Variants in MTRR observed in about 807,000 individuals in gnomAD.
The protein encoded by MTRR is methionine synthase reductase.
MTRR carries 63 observed loss-of-function variants against 79.2 expected under a neutral mutation model. The ratio of observed to expected loss-of-function variants is 0.80; its 90% CI spans 0.65 to 0.98. MTRR has a LOEUF of 0.98. MTRR is among the 50% of genes least tolerant of loss of function. The pLI, the probability that MTRR is intolerant of heterozygous loss-of-function variation, is 0.00. For synonymous variants in MTRR, 355 were observed against 313.3 expected, an observed-to-expected ratio of 1.13 and a Z score of -1.41; for missense variants, 895 against 839.6, an observed-to-expected ratio of 1.07 and a Z score of -0.82.
rs1263050010 is a variant in MTRR, at chr5:7,900,146, A to G, written c.*88A>G. The G allele has an allele frequency of 2.0e-6, 3 of 1,490,978 alleles. No individual in the cohort carries two copies. The African/African-American group carries it at 4.3e-5, about 21-fold the overall frequency. 92.4% of individuals were successfully genotyped at this position (1,490,978 alleles called of 1,614,324 possible). On this transcript the variant is annotated 3_prime_UTR_variant, in exon 15 of 15. Transcript: ENST00000440940. The stretch of plus-strand genomic sequence containing the variant: ...CTAGTGCCAAACCTTTAAATTTTCA[A>G]AAGAAAATTTTCTTTCAACATTTCT...
rs773646971 is a variant in MTRR at position 7,885,740 on chromosome 5, G to C, written c.943G>C (p.Val315Leu). ...CTATCAGCCTGGAGATGCCTTCAGC[G>C]TGATCTGCCCTAACAGTGATTCTGA... Reference protein sequence around the residue: ...FSYQPGDAFSVICPNSDSEVQ... With the variant: ...FSYQPGDAFSLICPNSDSEVQ... The change falls in exon 7 of 15, where the codon GTG becomes CTG. Residue 315 changes from valine (V) to leucine (L), a missense_variant. Coordinates refer to ENST00000440940, the MANE Select transcript of MTRR (RefSeq NM_002454.3). The C allele has an allele frequency of 1.9e-6, 3 of 1,612,866 alleles. No homozygotes were observed. In the African/African-American group the frequency reaches 4.0e-5, roughly 22 times the overall value.
At chr5:7,896,771 C>T (rs751079041) in intron 12 of MTRR, 93 bp from the exon 13 acceptor site, 11 of 962,126 alleles carry the variant, frequency 1.1e-5, no homozygotes, top group Admixed American at 5.6e-5. Flanking sequence ...TTTACAAATC[C>T]GTCTGAGTTT....
rs1378120248 is a variant in MTRR, at chr5:7,873,400, CTTG to C, written c.165_167del (p.Val57del). ...TGACCTAAAAACCGAAACAGCTCCT[CTTG>C]TTGTTGTGGTTTCTACCACGGGCAC... On this transcript the variant is annotated inframe_deletion, in exon 3 of 15. Transcript: ENST00000440940. 102 of 1,614,080 alleles carry C rather than the reference CTTG, an allele frequency of 6.3e-5. No homozygotes were observed. Among genetic ancestry groups the C allele is most frequent in the Non-Finnish European group, 8.1e-5 (96 of 1,180,040 alleles).
intron 1 of MTRR, among the ~76,000 whole-genome samples, chr5:7,854,176 T>C (rs4702506): frequency 0.13 from 20,246 of 152,034 alleles, 1,572 homozygotes; most frequent in Middle Eastern, 0.29. Flanking sequence ...GTACTCGTAC[T>C]CAAAAGTTCT....
chr5:7,861,537 G>C, intron 1 of MTRR: 1 of 1,345,366 alleles, frequency 7.4e-7, no homozygotes, highest in Non-Finnish European at 9.9e-7. Context: ...CTGCTTATTA[G>C]CCTCAACGAG....
intron 10 of MTRR, among the ~76,000 whole-genome samples, chr5:7,892,181 A>G (rs1283024269): frequency 6.6e-6 from 1 of 152,204 alleles, no homozygotes; most frequent in Non-Finnish European, 1.5e-5. Context: ...AAGGTGCACC[A>G]TTCTTTTGGT....
In MTRR at chr5:7,900,105, C is replaced by T; in HGVS notation, c.*47C>T. 3 of 1,604,252 alleles carry T rather than the reference C, an allele frequency of 1.9e-6. No homozygotes were observed. The highest frequency in any genetic ancestry group is 2.6e-6 in the Non-Finnish European group (3 of 1,176,180). The stretch of plus-strand genomic sequence containing the variant: ...GATTAAGCTTTTTTGACTGAAAGTA[C>T]TAAAAGTCAGCTTTACTAGTGCCAA... On this transcript the variant is annotated 3_prime_UTR_variant, in exon 15 of 15. Transcript: ENST00000440940.
At chr5:7,854,568 A>G (rs963585189) in intron 1 of MTRR, among the ~76,000 whole-genome samples, 7 of 152,096 alleles carry the variant, frequency 4.6e-5, no homozygotes, top group Non-Finnish European at 1.0e-4. Flanking sequence ...GGTGGCGGCA[A>G]GAGAAAATGA....
intron 1 of MTRR, among the ~76,000 whole-genome samples, chr5:7,856,275 A>G (rs1163985620): frequency 1.3e-5 from 2 of 152,204 alleles, no homozygotes; most frequent in Non-Finnish European, 2.9e-5. Flanking sequence ...GACAACAGTT[A>G]GATGTTCCAT....
At chr5:7,890,127 A>G (rs750163607) in intron 9 of MTRR, 1 of 350,228 alleles carries the variant, frequency 2.9e-6, no homozygotes, top group African/African-American at 2.2e-5. Flanking sequence ...TAACATTTGC[A>G]TTTTTCTTTG....
intron 10 of MTRR, among the ~76,000 whole-genome samples, chr5:7,892,108 A>T (rs1323492580): frequency 2.0e-5 from 3 of 152,120 alleles, no homozygotes; most frequent in African/African-American, 7.2e-5. Flanking sequence ...CCTTCATTCC[A>T]TTGCACAGCC....
upstream of MTRR, chr5:7,867,974 A>C: frequency 6.2e-7 from 1 of 1,614,196 alleles, no homozygotes; most frequent in Non-Finnish European, 8.5e-7. Flanking sequence ...ACGCTCCTTG[A>C]CTACCTTGTG....
Position 7,885,757 on chromosome 5 carries a change from T to C in MTRR, c.960T>C (p.Ser320=). The C allele has an allele frequency of 6.2e-7, 1 of 1,613,830 alleles. No homozygotes were observed. Among genetic ancestry groups the C allele is most frequent in the Non-Finnish European group, 8.5e-7 (1 of 1,179,972 alleles). ...CCTTCAGCGTGATCTGCCCTAACAG[T>C]GATTCTGAGGTACAAAGCCTACTCC... ...GDAFSVICPN[S]DSEVQSLLQR... Residue 320 remains serine (S), a synonymous_variant, in exon 7 of 15, where the codon AGT becomes AGC. Transcript: ENST00000440940.
Position 7,885,787 on chromosome 5 carries a change from A to T in MTRR, c.990A>T (p.Arg330Ser), listed in dbSNP as rs1216126515. 3 of 1,613,926 alleles carry T rather than the reference A, an allele frequency of 1.9e-6. No homozygotes were observed. Among genetic ancestry groups the T allele is most frequent in the Non-Finnish European group, 2.5e-6 (3 of 1,180,026 alleles). ...CTGAGGTACAAAGCCTACTCCAAAG[A>T]CTGCAGCTTGAAGATAAAAGAGAGC... ...SDSEVQSLLQ[R>S]LQLEDKREHC... Residue 330 changes from arginine (R) to serine (S), a missense_variant, in exon 7 of 15, where the codon AGA becomes AGT. Transcript: ENST00000440940.
At position 7,883,503 on chromosome 5, in the gene MTRR, GCTGAGTTGTGTGGTGCTTGGTTACA is replaced by G. The variant is rs1282256330; in HGVS notation, c.903+227_903+251del. Among the ~76,000 whole-genome samples, 748 of 138,422 alleles carry G rather than the reference GCTGAGTTGTGTGGTGCTTGGTTACA, an allele frequency of 5.4e-3. 1 individual carries two copies. Among genetic ancestry groups the G allele is most frequent in the African/African-American group, 0.018 (707 of 38,964 alleles). 90.8% of individuals were successfully genotyped at this position (138,422 alleles called of 152,430 possible). ...AGTTGTGTGGTGCTTGGTTACATAT[GCTGAGTTGTGTGGTGCTTGGTTACA>G]TATGCTGAGTTGTGTGGTGCTTGGT... On this transcript the variant is annotated intron_variant, in intron 6 of 14. Transcript: ENST00000440940.
intron 1 of MTRR, among the ~76,000 whole-genome samples, chr5:7,853,717 C>T (rs1746142494): frequency 6.6e-6 from 1 of 152,238 alleles, no homozygotes; most frequent in Admixed American, 6.5e-5. Context: ...TGTTTCATCA[C>T]TTGCTCCTGT....
At chr5:7,884,590 G>A (rs559300683) in intron 6 of MTRR, among the ~76,000 whole-genome samples, 2 of 152,148 alleles carry the variant, frequency 1.3e-5, no homozygotes, top group African/African-American at 2.4e-5. Context: ...AGGATATGGA[G>A]GGCCAACTGT....
chr5:7,900,071 AAG>A lies in MTRR; in HGVS notation c.*15_*16del. 1 of 1,612,618 alleles carries A rather than the reference AAG, an allele frequency of 6.2e-7. No homozygotes were observed. The highest frequency in any genetic ancestry group is 8.5e-7 in the Non-Finnish European group (1 of 1,179,730). On this transcript the variant is annotated 3_prime_UTR_variant, in exon 15 of 15. Transcript: ENST00000440940. ...TATTTGGTCATAAAACCAGAAATTAAAGAAAGAGGATTAAGCTTTTTTGACTG... is the reference window on the plus strand; with the variant it reads ...TATTTGGTCATAAAACCAGAAATTAAAAAGAGGATTAAGCTTTTTTGACTG...
intron 2 of MTRR, among the ~76,000 whole-genome samples, chr5:7,871,176 A>C (rs917494492): frequency 6.6e-6 from 1 of 152,216 alleles, no homozygotes; most frequent in Admixed American, 6.5e-5. Context: ...CAGAAGTAGC[A>C]TATGCTGTGT....
Sources: gnomAD v4.1 joint callset for allele counts (sites outside exome capture counted in the v4.1 genomes callset) on GRCh38, gnomAD v4.1.1 for gene constraint, MANE v1.5 for transcripts, NCBI Gene and HGNC (gene_info 2026-07-23, HGNC 2026-07-21) for gene names.